The following MRAP2 variants were observed in gnomAD, a reference collection of about 807,000 sequenced individuals.
MRAP2 encodes melanocortin 2 receptor accessory protein 2.
MRAP2 carries 20 observed loss-of-function variants against 17.4 expected under a neutral mutation model. That is an observed-to-expected ratio of 1.15 (90% confidence interval 0.81 to 1.67). The LOEUF (loss-of-function observed/expected upper bound fraction) is 1.67. MRAP2 is among the 40% of genes most tolerant of loss of function. The probability of loss-of-function intolerance (pLI) is 0.00; values close to 1 mark genes in which losing one functional copy is unlikely to be tolerated. For missense variants in MRAP2, 238 were observed against 240.0 expected (o/e 0.99, Z 0.05); for synonymous variants, 96 against 88.4 (o/e 1.09, Z -0.48).
chr6:84,097,270 G>C, the MRAP2 span, among the ~76,000 whole-genome samples: 1 of 152,144 alleles, frequency 6.6e-6, no homozygotes, highest in South Asian at 2.1e-4. Context: ...TTACATCTGG[G>C]ATGAGCCCTT....
At chr6:84,102,567 T>G in the MRAP2 span, among the ~76,000 whole-genome samples, 1 of 152,222 alleles carries the variant, frequency 6.6e-6, no homozygotes, top group Admixed American at 6.5e-5. Flanking sequence ...GCCGATACCT[T>G]GATTTTAGCC....
At chr6:84,052,883 C>T in intron 1 of MRAP2, 3 of 655,738 alleles carry the variant, frequency 4.6e-6, no homozygotes, top group Non-Finnish European at 5.7e-6. Flanking sequence ...TTTCATTACC[C>T]TTTGGTAATG....
At chr6:84,101,801 C>T in the MRAP2 span, among the ~76,000 whole-genome samples, 1 of 152,150 alleles carries the variant, frequency 6.6e-6, no homozygotes, top group Non-Finnish European at 1.5e-5. Context: ...TAGTTGATTC[C>T]ATTAAATACT....
the MRAP2 span, chr6:84,126,417 C>T: frequency 6.2e-7 from 1 of 1,602,020 alleles, no homozygotes; most frequent in East Asian, 2.3e-5. Context: ...GTCTCATTTC[C>T]ATCTGCTTAA....
At chr6:84,078,906 A>G (rs1236467048) in intron 3 of MRAP2, among the ~76,000 whole-genome samples, 1 of 152,216 alleles carries the variant, frequency 6.6e-6, no homozygotes, top group African/African-American at 2.4e-5. Context: ...GTATGCTTTT[A>G]TAGCAACATG....
chr6:84,050,342 A>T (rs940838170), intron 1 of MRAP2, among the ~76,000 whole-genome samples: 28 of 152,174 alleles, frequency 1.8e-4, no homozygotes, highest in Admixed American at 1.3e-3. Flanking sequence ...ACACTGTGGC[A>T]GCTTTGAGAG....
At chr6:84,054,537 CTTTA>C (rs2099491230) in intron 1 of MRAP2, among the ~76,000 whole-genome samples, 1 of 152,152 alleles carries the variant, frequency 6.6e-6, no homozygotes, top group African/African-American at 2.4e-5. Flanking sequence ...GCCTGTTTTT[CTTTA>C]TTCACTCCAT....
upstream of MRAP2, chr6:84,033,617 G>C (rs2129154168): frequency 1.1e-6 from 1 of 923,060 alleles, no homozygotes; most frequent in East Asian, 1.2e-4. Flanking sequence ...GATCTGCAAA[G>C]CTCACCTCCT....
the MRAP2 span, among the ~76,000 whole-genome samples, chr6:84,106,693 T>C: frequency 6.6e-6 from 1 of 151,996 alleles, no homozygotes; most frequent in Non-Finnish European, 1.5e-5. Context: ...AAGAAGACAA[T>C]ATAACAGGAG....
chr6:84,138,053 A>ACTT, the MRAP2 span, among the ~76,000 whole-genome samples: 1 of 152,184 alleles, frequency 6.6e-6, no homozygotes, highest in Non-Finnish European at 1.5e-5. Flanking sequence ...TATGCTGAAA[A>ACTT]CTTATAAATC....
intron 1 of MRAP2, among the ~76,000 whole-genome samples, chr6:84,043,517 T>TCA (rs2099488182): frequency 1.3e-5 from 2 of 152,132 alleles, no homozygotes; most frequent in South Asian, 4.1e-4. Flanking sequence ...GGGCAAAAGC[T>TCA]CAGAGGACCA....
At chr6:84,069,542 G>C (rs2099495663) in intron 3 of MRAP2, among the ~76,000 whole-genome samples, 1 of 152,098 alleles carries the variant, frequency 6.6e-6, no homozygotes, top group South Asian at 2.1e-4. Flanking sequence ...AACGATATCG[G>C]TCTGTAGTTT....
intron 1 of MRAP2, among the ~76,000 whole-genome samples, chr6:84,040,119 A>ATC (rs1159670380): frequency 2.5e-4 from 38 of 152,276 alleles, no homozygotes; most frequent in Admixed American, 2.2e-3. Context: ...AGGTAATTGA[A>ATC]TCAGGGGGTT....
the MRAP2 span, among the ~76,000 whole-genome samples, chr6:84,138,507 A>G: frequency 6.6e-6 from 1 of 152,220 alleles, no homozygotes; most frequent in Non-Finnish European, 1.5e-5. Context: ...CAGCTAGAAT[A>G]TTACACAGAA....
At chr6:84,064,871 GC>G (rs1474520057) in intron 3 of MRAP2, among the ~76,000 whole-genome samples, 1 of 152,178 alleles carries the variant, frequency 6.6e-6, no homozygotes. Context: ...TCTCGTCACA[GC>G]CTCCGGCATC....
chr6:84,072,711 C>T (rs2480195), intron 3 of MRAP2, among the ~76,000 whole-genome samples: 10,285 of 152,054 alleles, frequency 0.068, 413 homozygotes, highest in African/African-American at 0.099. Context: ...CAAGGCTAGG[C>T]GTGTCTGAGC....
At chr6:84,067,273 C>G (rs2099494984) in intron 3 of MRAP2, among the ~76,000 whole-genome samples, 1 of 152,198 alleles carries the variant, frequency 6.6e-6, no homozygotes, top group South Asian at 2.1e-4. Flanking sequence ...TCTTTATCCA[C>G]TTGTTGATTG....
chr6:84,141,793 C>T, the MRAP2 span, among the ~76,000 whole-genome samples: 1 of 152,152 alleles, frequency 6.6e-6, no homozygotes, highest in African/African-American at 2.4e-5. Context: ...CTTTCCAGAG[C>T]TCCATCATCA....
chr6:84,044,654 T>G (rs894640139), intron 1 of MRAP2, among the ~76,000 whole-genome samples: 5 of 152,180 alleles, frequency 3.3e-5, no homozygotes, highest in Middle Eastern at 3.2e-3. Context: ...TGTCCTAATC[T>G]CCTCTTCTTA....
Sources: allele counts gnomAD v4.1 joint callset (sites outside exome capture counted in the v4.1 genomes callset), GRCh38; gene constraint gnomAD v4.1.1; transcripts MANE v1.5; gene names NCBI Gene and HGNC (gene_info 2026-07-23, HGNC 2026-07-21).